AGBL4: variants seen among roughly 807,000 people sequenced by gnomAD.
AGBL4 encodes cytosolic carboxypeptidase 6.
AGBL4 carries 58 observed loss-of-function variants against 66.4 expected under a neutral mutation model. The observed-to-expected ratio is 0.87, with a 90% confidence interval of 0.71 to 1.09. AGBL4 has a LOEUF of 1.09. AGBL4 is among the 50% of genes least tolerant of loss of function. AGBL4 has a pLI of 0.00. For synonymous variants in AGBL4, 234 were observed against 222.9 expected, an observed-to-expected ratio of 1.05 and a Z score of -0.44; for missense variants, 579 against 631.0, an observed-to-expected ratio of 0.92 and a Z score of 0.88.
chr1:49,883,031 A>G (rs1398618976), intron 1 of AGBL4, among the ~76,000 whole-genome samples: 1 of 152,178 alleles, frequency 6.6e-6, no homozygotes, highest in African/African-American at 2.4e-5. Context: ...TGGCTTTAAT[A>G]AACACTGTTT....
chr1:49,665,225 C>T (rs1306616213), intron 3 of AGBL4, among the ~76,000 whole-genome samples: 1 of 152,098 alleles, frequency 6.6e-6, no homozygotes, highest in Non-Finnish European at 1.5e-5. Context: ...TCCAACAATC[C>T]TAATAGACTT....
intron 1 of AGBL4, among the ~76,000 whole-genome samples, chr1:49,987,980 T>G (rs1038706923): frequency 4.6e-5 from 7 of 151,832 alleles, no homozygotes. Context: ...CTATTCTTTT[T>G]TATAATAAAT....
chr1:48,653,504 A>T, intron 7 of AGBL4, 53 bp from the exon 8 acceptor site: 1 of 1,357,534 alleles, frequency 7.4e-7, no homozygotes, highest in South Asian at 1.3e-5. Flanking sequence ...AGAAGAAGGA[A>T]ACACATTTTT....
intron 5 of AGBL4, among the ~76,000 whole-genome samples, chr1:48,962,079 T>C (rs1291242774): frequency 6.6e-6 from 1 of 150,558 alleles, no homozygotes; most frequent in Non-Finnish European, 1.5e-5. Context: ...AAAAGCAACC[T>C]GGTTCACTTA....
At chr1:49,319,054 A>AT (rs2148473318) in intron 3 of AGBL4, among the ~76,000 whole-genome samples, 1 of 152,308 alleles carries the variant, frequency 6.6e-6, no homozygotes, top group East Asian at 1.9e-4. Context: ...ATTGGCTCTA[A>AT]TTATAATAGA....
chr1:49,300,243 G>C (rs1406969096), intron 3 of AGBL4, among the ~76,000 whole-genome samples: 1 of 152,208 alleles, frequency 6.6e-6, no homozygotes, highest in Non-Finnish European at 1.5e-5. Context: ...TACAAGAGCA[G>C]AGACTTTGTA....
intron 6 of AGBL4, among the ~76,000 whole-genome samples, chr1:48,819,043 C>A (rs1646252658): frequency 6.6e-6 from 1 of 152,108 alleles, no homozygotes; most frequent in Non-Finnish European, 1.5e-5. Context: ...GCCCTCAAAG[C>A]TTCATGAAAT....
At chr1:49,205,346 T>C (rs1648046999) in intron 4 of AGBL4, among the ~76,000 whole-genome samples, 1 of 152,104 alleles carries the variant, frequency 6.6e-6, no homozygotes, top group South Asian at 2.1e-4. Context: ...CCTCCATCCA[T>C]CTATTTTTAG....
intron 6 of AGBL4, among the ~76,000 whole-genome samples, chr1:48,749,714 C>G (rs533772483): frequency 6.6e-6 from 1 of 152,334 alleles, no homozygotes; most frequent in South Asian, 2.1e-4. Flanking sequence ...CCTCTAGAAG[C>G]TCTGAACTTA....
In AGBL4 at chr1:49,602,031, G is replaced by A. The variant is rs189635826; in HGVS notation, c.282+95282C>T. ...GAAAAAAACAACCCCATCAAAAATG[G>A]GCAAAGGATATGAACAGACCCTTCT... On this transcript the variant is annotated intron_variant, in intron 3 of 13. Transcript: ENST00000371839. 5.3e-3 allele frequency among the ~76,000 whole-genome samples: 804 copies of A among 152,140 alleles called. 7 individuals carry two copies. The highest frequency in any genetic ancestry group is 6.5e-3 in the Non-Finnish European group (444 of 67,998).
intron 3 of AGBL4, among the ~76,000 whole-genome samples, chr1:49,534,171 CAAAAAAAAAA>C (rs71059553): frequency 3.7e-4 from 25 of 67,062 alleles, no homozygotes; most frequent in Non-Finnish European, 1.8e-4. Context: ...CACCATTTTA[CAAAAAAAAAA>C]AAAAAAAAAA....
Position 48,891,921 on chromosome 1 carries a change from G to T in AGBL4, c.595-24691C>A, listed in dbSNP as rs34269146. Among the ~76,000 whole-genome samples, 69 of 152,154 alleles carry T rather than the reference G, an allele frequency of 4.5e-4. 1 individual carries two copies. The South Asian group carries it at 9.6e-3, about 21-fold the overall frequency. On this transcript the variant is annotated intron_variant, in intron 5 of 13. Coordinates refer to ENST00000371839, the MANE Select transcript of AGBL4 (RefSeq NM_032785.4). The stretch of plus-strand genomic sequence containing the variant: ...AATTAATAGCTTATGTTCTAATAAA[G>T]GGAAGAGCAGAAATAAAAATGAGAA...
At chr1:49,531,362 T>C (rs767783336) in intron 3 of AGBL4, among the ~76,000 whole-genome samples, 1 of 152,112 alleles carries the variant, frequency 6.6e-6, no homozygotes, top group Non-Finnish European at 1.5e-5. Context: ...CCCTTCTATG[T>C]TGGGCATTCT....
chr1:48,913,688 T>C (rs7534550), intron 5 of AGBL4, among the ~76,000 whole-genome samples: 17,560 of 152,178 alleles, frequency 0.12, 1,673 homozygotes, highest in African/African-American at 0.25. Context: ...TTATGGTAAG[T>C]TGTATACTTA....
chr1:49,587,120 C>T (rs377266177), intron 3 of AGBL4, among the ~76,000 whole-genome samples: 1 of 152,068 alleles, frequency 6.6e-6, no homozygotes, highest in Non-Finnish European at 1.5e-5. Flanking sequence ...GTGGCATATG[C>T]CTGTAGTCCC....
At chr1:48,663,967 C>T (rs1375865605) in intron 6 of AGBL4, among the ~76,000 whole-genome samples, 1 of 152,038 alleles carries the variant, frequency 6.6e-6, no homozygotes, top group Non-Finnish European at 1.5e-5. Flanking sequence ...TTATCTTAAA[C>T]AACTAAAAAA....
At chr1:48,685,157 G>A (rs1377447612) in intron 6 of AGBL4, among the ~76,000 whole-genome samples, 3 of 152,200 alleles carry the variant, frequency 2.0e-5, no homozygotes, top group Non-Finnish European at 4.4e-5. Context: ...CAAGTTCCAC[G>A]ATCCTTTCAT....
chr1:49,524,539 G>T (rs906284811), intron 3 of AGBL4, among the ~76,000 whole-genome samples: 1 of 152,028 alleles, frequency 6.6e-6, no homozygotes, highest in Non-Finnish European at 1.5e-5. Flanking sequence ...CTTATATCTG[G>T]CCTCTGGACT....
At chr1:49,880,460 A>T (rs1479580428) in intron 1 of AGBL4, among the ~76,000 whole-genome samples, 3 of 152,096 alleles carry the variant, frequency 2.0e-5, no homozygotes, top group African/African-American at 7.3e-5. Flanking sequence ...GGTGCCTCCC[A>T]GTTAGGCTGC....
Sources: gnomAD v4.1 joint callset for allele counts (sites outside exome capture counted in the v4.1 genomes callset) on GRCh38, gnomAD v4.1.1 for gene constraint, MANE v1.5 for transcripts, NCBI Gene and HGNC (gene_info 2026-07-23, HGNC 2026-07-21) for gene names.